Variants in DNTT observed in about 807,000 individuals in gnomAD.
DNTT encodes nucleosidetriphosphate:DNA deoxynucleotidylexotransferase.
In DNTT, 47 loss-of-function variants were observed where a neutral mutation model predicts 60.9. The ratio of observed to expected loss-of-function variants is 0.77; its 90% CI spans 0.61 to 0.98. The LOEUF (loss-of-function observed/expected upper bound fraction) is 0.98, where lower values mean the gene tolerates loss of function less well. Among genes scored for constraint, DNTT ranks in the 50% least tolerant of loss-of-function variants. The probability of loss-of-function intolerance (pLI) is 0.00; values close to 1 mark genes in which losing one functional copy is unlikely to be tolerated. For synonymous variants in DNTT, 224 were observed against 221.2 expected (o/e 1.01, Z -0.11); for missense variants, 665 against 627.5 (o/e 1.06, Z -0.64).
Position 96,328,839 on chromosome 10 carries a change from A to G in DNTT, c.1113+9A>G. ...ACTTATGGGAAAAGAAGGTGAGAAGAAAGATGAAAAATACATGCACACGCA... is the reference window on the plus strand; with the variant it reads ...ACTTATGGGAAAAGAAGGTGAGAAGGAAGATGAAAAATACATGCACACGCA... On this transcript the variant is annotated intron_variant, in intron 8 of 10. Coordinates refer to ENST00000371174, the MANE Select transcript of DNTT (RefSeq NM_004088.4). 3 of 1,610,192 alleles carry G rather than the reference A, an allele frequency of 1.9e-6. No individual in the cohort carries two copies. Among genetic ancestry groups the G allele is most frequent in the Non-Finnish European group, 2.5e-6 (3 of 1,178,658 alleles).
chr10:96,328,687 C>G (rs377638690), intron 7 of DNTT, 38 bp from the exon 8 acceptor site: 6 of 1,586,958 alleles, frequency 3.8e-6, no homozygotes, highest in Non-Finnish European at 5.2e-6. Flanking sequence ...AGACTAATAT[C>G]TAATTGATTT....
chr10:96,318,664 T>G, intron 2 of DNTT, 138 bp downstream of exon 2: 2 of 973,818 alleles, frequency 2.1e-6, no homozygotes, highest in Non-Finnish European at 3.0e-6. Flanking sequence ...TTAGCTTTAC[T>G]GAGCTTCAGT....
intron 6 of DNTT, among the ~76,000 whole-genome samples, chr10:96,326,517 C>T (rs1006817029): frequency 7.2e-5 from 11 of 152,116 alleles, no homozygotes; most frequent in African/African-American, 2.7e-4. Flanking sequence ...GCCAAATGGC[C>T]ACCCTGCTGC....
Position 96,338,324 on chromosome 10 carries a change from T to C in DNTT, c.*100T>C, listed in dbSNP as rs546514462. On this transcript the variant is annotated 3_prime_UTR_variant, in exon 11 of 11. Transcript: ENST00000371174. ...ATAGGAGAGTTTGGGGTTATTTAGG[T>C]CTTATTGAAATGCAGATTGCTACTA... is the stretch of plus-strand genomic sequence containing the variant. 5.4e-5 allele frequency: 60 copies of C among 1,110,672 alleles called. No individual in the cohort carries two copies. The South Asian group carries it at 8.6e-4, about 16-fold the overall frequency. 68.8% of individuals were successfully genotyped at this position (1,110,672 alleles called of 1,614,324 possible).
At chr10:96,305,645 A>G (rs984598628) in intron 1 of DNTT, among the ~76,000 whole-genome samples, 1 of 152,240 alleles carries the variant, frequency 6.6e-6, no homozygotes, top group Non-Finnish European at 1.5e-5. Context: ...TAAAAATTTT[A>G]TGTGAAAGGA....
chr10:96,313,299 G>T (rs1844743364), intron 1 of DNTT, among the ~76,000 whole-genome samples: 1 of 152,112 alleles, frequency 6.6e-6, no homozygotes, highest in African/African-American at 2.4e-5. Flanking sequence ...TTATAAGAAG[G>T]AAGCCAAGGT....
intron 10 of DNTT, among the ~76,000 whole-genome samples, chr10:96,337,617 G>A (rs769189236): frequency 2.0e-5 from 3 of 152,222 alleles, no homozygotes; most frequent in Non-Finnish European, 4.4e-5. Flanking sequence ...AGAGCTGCTT[G>A]GTCTTAAAGA....
At chr10:96,308,097 T>C (rs993799095) in intron 1 of DNTT, among the ~76,000 whole-genome samples, 2 of 152,198 alleles carry the variant, frequency 1.3e-5, no homozygotes, top group Non-Finnish European at 2.9e-5. Context: ...TTTTTTCAGC[T>C]GATAGGCAAC....
intron 3 of DNTT, among the ~76,000 whole-genome samples, chr10:96,320,317 G>C (rs1844851565): frequency 6.6e-6 from 1 of 152,234 alleles, no homozygotes; most frequent in Admixed American, 6.5e-5. Flanking sequence ...GGATTATGCT[G>C]AGTCATGACT....
chr10:96,323,459 T>C (rs1844903667), intron 5 of DNTT, among the ~76,000 whole-genome samples: 1 of 151,998 alleles, frequency 6.6e-6, no homozygotes, highest in African/African-American at 2.4e-5. Flanking sequence ...AGGAAGAAAA[T>C]GCCTAAATAA....
chr10:96,313,767 A>T (rs1049601362), intron 1 of DNTT, among the ~76,000 whole-genome samples: 1 of 152,204 alleles, frequency 6.6e-6, no homozygotes, highest in Non-Finnish European at 1.5e-5. Flanking sequence ...GCCCCATCCC[A>T]TCTGTACTCC....
chr10:96,314,361 C>T (rs554406344), intron 1 of DNTT, among the ~76,000 whole-genome samples: 7 of 134,250 alleles, frequency 5.2e-5, no homozygotes, highest in Admixed American at 8.0e-5. Flanking sequence ...ACTAATTATT[C>T]GCTGGGTGAA....
rs139617969 is a variant in DNTT at position 96,325,053 on chromosome 10, G to A, written c.874+664G>A. On this transcript the variant is annotated intron_variant, in intron 6 of 10. Transcript: ENST00000371174. ...TGAAAGCCTGGCAGGGCCTCTCAGA[G>A]GTTGAAGGTAGCCTGGTCACTTCCA... is the stretch of plus-strand genomic sequence containing the variant. 6.7e-4 allele frequency among the ~76,000 whole-genome samples: 102 copies of A among 152,268 alleles called. No individual in the cohort carries two copies. In the East Asian group the frequency reaches 7.7e-3, roughly 12 times the overall value.
intron 6 of DNTT, 23 bp from the exon 7 acceptor site, chr10:96,327,445 T>C (rs1158499890): frequency 2.5e-6 from 4 of 1,614,018 alleles, no homozygotes; most frequent in African/African-American, 1.3e-5. Context: ...CTCTCTCCAT[T>C]GACCTGTCAA....
intron 1 of DNTT, among the ~76,000 whole-genome samples, chr10:96,315,107 G>T (rs944174391): frequency 6.6e-6 from 1 of 152,104 alleles, no homozygotes; most frequent in African/African-American, 2.4e-5. Context: ...AGGATCAGCC[G>T]AACTCAGGCA....
rs141822346 is a variant in DNTT, at chr10:96,324,277, T to G, written c.762T>G (p.Ser254=). The G allele has an allele frequency of 1.9e-6, 3 of 1,613,344 alleles. No individual in the cohort carries two copies. The highest frequency in any genetic ancestry group is 2.5e-6 in the Non-Finnish European group (3 of 1,179,574). Residue 254 remains serine (S), a synonymous_variant, in exon 6 of 11, where the codon TCT becomes TCG. Transcript: ENST00000371174. Reference sequence around the variant, plus strand: ...TCCCTCCATTTTAGCTCTTTACTTCTGTATTTGGAGTGGGGCTGAAGACTT... The same window carrying G: ...TCCCTCCATTTTAGCTCTTTACTTCGGTATTTGGAGTGGGGCTGAAGACTT... ...ERYQSFKLFT[S]VFGVGLKTSE...
intron 8 of DNTT, among the ~76,000 whole-genome samples, chr10:96,329,912 G>A (rs550724418): frequency 6.6e-6 from 1 of 152,320 alleles, no homozygotes; most frequent in South Asian, 2.1e-4. Context: ...CTCTCTTCCT[G>A]AGAACTGGCC....
At chr10:96,311,247 A>G (rs1844710893) in intron 1 of DNTT, among the ~76,000 whole-genome samples, 1 of 152,230 alleles carries the variant, frequency 6.6e-6, no homozygotes, top group Non-Finnish European at 1.5e-5. Flanking sequence ...GTAAATGACT[A>G]TTTAAGTCAC....
Position 96,304,473 on chromosome 10 carries a change from C to A in DNTT, c.-25C>A. On this transcript the variant is annotated 5_prime_UTR_variant, in exon 1 of 11. Transcript: ENST00000371174. ...CTGGAGACACCACCAGATGGGCCAGCCAGAGGCAGCAGCAGCCTCTTCCCA... is the reference window on the plus strand; with the variant it reads ...CTGGAGACACCACCAGATGGGCCAGACAGAGGCAGCAGCAGCCTCTTCCCA... 6.2e-7 allele frequency: 1 copy of A among 1,612,254 alleles called. No individual in the cohort carries two copies. The highest frequency in any genetic ancestry group is 8.5e-7 in the Non-Finnish European group (1 of 1,179,740).
Sources: allele counts gnomAD v4.1 joint callset (sites outside exome capture counted in the v4.1 genomes callset), GRCh38; gene constraint gnomAD v4.1.1; transcripts MANE v1.5; gene names NCBI Gene and HGNC (gene_info 2026-07-23, HGNC 2026-07-21).